Variants in FABP7 observed in about 807,000 individuals in gnomAD.
The protein encoded by FABP7 is fatty acid-binding protein, brain.
Under a neutral mutation model 14.2 loss-of-function variants are expected in FABP7, and 13 were observed. That is an observed-to-expected ratio of 0.91 (90% CI 0.59 to 1.45). The LOEUF is 1.45. FABP7 is among the 40% of genes most tolerant of loss of function. The pLI is 0.00. For missense variants in FABP7, 149 were observed against 157.6 expected, an observed-to-expected ratio of 0.95 and a Z score of 0.29; for synonymous variants, 49 against 51.4, an observed-to-expected ratio of 0.95 and a Z score of 0.20.
At chr6:122,750,050 T>C in the FABP7 span, among the ~76,000 whole-genome samples, 3 of 152,210 alleles carry the variant, frequency 2.0e-5, no homozygotes, top group African/African-American at 4.8e-5. Context: ...TATGAGTAGT[T>C]TGAATTGTAT....
chr6:122,757,226 C>T, the FABP7 span, among the ~76,000 whole-genome samples: 1 of 151,950 alleles, frequency 6.6e-6, no homozygotes, highest in Non-Finnish European at 1.5e-5. Context: ...CTGATTTACC[C>T]CTTCCAATCC....
At chr6:122,758,106 T>TTTTG in the FABP7 span, among the ~76,000 whole-genome samples, 77 of 28,762 alleles carry the variant, frequency 2.7e-3, 1 homozygote, top group African/African-American at 5.7e-3. Flanking sequence ...ATTATCTAGC[T>TTTTG]TTTTTTTTTT....
chr6:122,768,938 G>A, the FABP7 span, among the ~76,000 whole-genome samples: 3 of 152,104 alleles, frequency 2.0e-5, no homozygotes, highest in African/African-American at 7.2e-5. Flanking sequence ...ATCACCATTC[G>A]AACAGGTTTT....
intron 3 of FABP7, chr6:122,781,943 C>T (rs1310114485): frequency 1.9e-6 from 1 of 524,290 alleles, no homozygotes; most frequent in Non-Finnish European, 2.4e-6. Context: ...GGGATTTCGC[C>T]ATGTTGCCCA....
At chr6:122,767,077 G>A in the FABP7 span, among the ~76,000 whole-genome samples, 1 of 151,874 alleles carries the variant, frequency 6.6e-6, no homozygotes, top group Non-Finnish European at 1.5e-5. Context: ...CCCTGCAGGG[G>A]AAATTATAAA....
At chr6:122,764,116 T>C in the FABP7 span, among the ~76,000 whole-genome samples, 1 of 152,180 alleles carries the variant, frequency 6.6e-6, no homozygotes, top group Non-Finnish European at 1.5e-5. Context: ...CTATTCACAA[T>C]AGCGAAGACT....
upstream of FABP7, chr6:122,779,632 T>C: frequency 1.5e-6 from 1 of 646,494 alleles, no homozygotes; most frequent in Non-Finnish European, 2.8e-6. Context: ...AGAGGGACAC[T>C]GGAGGGGTGT....
rs1197557748 is a variant in FABP7, at chr6:122,783,940, C to T, written c.*173C>T. 1 of 457,400 alleles carries T rather than the reference C, an allele frequency of 2.2e-6. No homozygotes were observed. Among genetic ancestry groups the T allele is most frequent in the Non-Finnish European group, 3.8e-6 (1 of 261,310 alleles). 28.3% of individuals were successfully genotyped at this position (457,400 alleles called of 1,614,324 possible). A position where few individuals can be genotyped will look rare whatever the true frequency, so the allele number is the denominator to read the frequency against. ...TCCAAGCAACTTGCCCAATTTTAATCTGAAAATTTATCATGTTTTATAATT... is the reference window on the plus strand; with the variant it reads ...TCCAAGCAACTTGCCCAATTTTAATTTGAAAATTTATCATGTTTTATAATT... On this transcript the variant is annotated 3_prime_UTR_variant, in exon 4 of 4. Transcript: ENST00000368444.
intron 3 of FABP7, 118 bp from the exon 4 acceptor site, chr6:122,783,599 T>C: frequency 6.9e-7 from 1 of 1,442,816 alleles, no homozygotes; most frequent in Non-Finnish European, 9.1e-7. Flanking sequence ...ATGCAGCATT[T>C]AATGTTTGTA....
chr6:122,779,245 A>G (rs907991791), upstream of FABP7, among the ~76,000 whole-genome samples: 13 of 151,614 alleles, frequency 8.6e-5, no homozygotes, highest in Admixed American at 6.6e-4. Context: ...CACACTATTC[A>G]CTCTCCTTTG....
the FABP7 span, among the ~76,000 whole-genome samples, chr6:122,766,214 T>C: frequency 6.6e-6 from 1 of 152,114 alleles, no homozygotes; most frequent in Non-Finnish European, 1.5e-5. Flanking sequence ...CTTTTTAACA[T>C]ATTGTATGCA....
At chr6:122,755,517 A>G in the FABP7 span, among the ~76,000 whole-genome samples, 2 of 144,630 alleles carry the variant, frequency 1.4e-5, no homozygotes, top group Non-Finnish European at 3.0e-5. Flanking sequence ...GGAGTGGTGC[A>G]ATCTCGGCTC....
chr6:122,767,778 A>C, the FABP7 span, among the ~76,000 whole-genome samples: 3 of 149,110 alleles, frequency 2.0e-5, no homozygotes, highest in Admixed American at 6.7e-5. Context: ...AAAAGAAGAG[A>C]GAGAGAGAAA....
upstream of FABP7, among the ~76,000 whole-genome samples, chr6:122,775,404 A>G (rs1780654736): frequency 6.6e-6 from 1 of 152,192 alleles, no homozygotes; most frequent in Non-Finnish European, 1.5e-5. Flanking sequence ...AAGAATATAC[A>G]CTGTGGAAAG....
chr6:122,780,999 A>G (rs1780766955), intron 2 of FABP7, 94 bp from the exon 3 acceptor site: 4 of 1,406,548 alleles, frequency 2.8e-6, no homozygotes, highest in African/African-American at 1.4e-5. Context: ...TGATTTATTC[A>G]ATTATACAAC....
At chr6:122,769,384 T>C in the FABP7 span, among the ~76,000 whole-genome samples, 1 of 152,158 alleles carries the variant, frequency 6.6e-6, no homozygotes, top group Non-Finnish European at 1.5e-5. Flanking sequence ...ATTTGTAACA[T>C]AATTCATAAC....
chr6:122,779,828 A>AC lies in FABP7; in HGVS notation c.36dup (p.Asn13GlnfsTer6). On this transcript the variant is annotated frameshift_variant, in exon 1 of 4. Coordinates refer to ENST00000368444, the MANE Select transcript of FABP7 (RefSeq NM_001446.5). LOFTEE classifies it high-confidence loss of function. ...GGCTTTCTGTGCTACCTGGAAGCTG[A>AC]CCAACAGTCAGAACTTTGATGAGTA... is the stretch of plus-strand genomic sequence containing the variant. 1 of 1,614,186 alleles carries AC rather than the reference A, an allele frequency of 6.2e-7. No individual in the cohort carries two copies.
At chr6:122,777,090 A>G (rs1015714889), upstream of FABP7, among the ~76,000 whole-genome samples, 4 of 152,220 alleles carry the variant, frequency 2.6e-5, no homozygotes, top group African/African-American at 9.6e-5. Flanking sequence ...CTTGTGATCT[A>G]TAAAGGGCTA....
At chr6:122,751,948 G>A in the FABP7 span, among the ~76,000 whole-genome samples, 1 of 152,042 alleles carries the variant, frequency 6.6e-6, no homozygotes, top group Admixed American at 6.6e-5. Context: ...AACCTGAGCT[G>A]GAGGACTGGC....
Sources: allele counts gnomAD v4.1 joint callset (sites outside exome capture counted in the v4.1 genomes callset), GRCh38; gene constraint gnomAD v4.1.1; transcripts MANE v1.5; gene names NCBI Gene and HGNC (gene_info 2026-07-23, HGNC 2026-07-21).